The following ARID3A variants were observed in gnomAD, a reference collection of about 807,000 sequenced individuals.
ARID3A encodes the protein AT-rich interactive domain-containing protein 3A.
In ARID3A, 11 loss-of-function variants were observed where a neutral mutation model predicts 52.7. The ratio of observed to expected loss-of-function variants is 0.21; its 90% CI spans 0.13 to 0.35. The LOEUF is 0.35. ARID3A is among the 10% of genes least tolerant of loss of function. ARID3A has a pLI of 1.00. For synonymous variants in ARID3A, 404 were observed against 359.4 expected, an observed-to-expected ratio of 1.12 and a Z score of -1.40; for missense variants, 721 against 838.5, an observed-to-expected ratio of 0.86 and a Z score of 1.73.
Position 956,986 on chromosome 19 carries a change from C to T in ARID3A, c.694-3106C>T, listed in dbSNP as rs368933447. Among the ~76,000 whole-genome samples the T allele has an allele frequency of 1.0e-3, 158 of 152,332 alleles. No homozygotes were observed. In the East Asian group the frequency reaches 0.02, roughly 19 times the overall value. ...TCCCCACTGCCCAGCCAGCCACATTCCCCCGAGCTTAATTGGCAGCCTGGT... is the reference window on the plus strand; with the variant it reads ...TCCCCACTGCCCAGCCAGCCACATTTCCCCGAGCTTAATTGGCAGCCTGGT... On this transcript the variant is annotated intron_variant, in intron 3 of 8. Coordinates refer to ENST00000263620, the MANE Select transcript of ARID3A (RefSeq NM_005224.3).
At chr19:948,208 C>T (rs1227590553) in intron 3 of ARID3A, among the ~76,000 whole-genome samples, 1 of 151,404 alleles carries the variant, frequency 6.6e-6, no homozygotes, top group African/African-American at 2.4e-5. Context: ...AGTCCGGGCC[C>T]TTTTTGGACA....
chr19:936,053 G>C (rs893123913), intron 3 of ARID3A, among the ~76,000 whole-genome samples: 1 of 151,910 alleles, frequency 6.6e-6, no homozygotes, highest in Admixed American at 6.6e-5. Flanking sequence ...GCCTCCCAAA[G>C]CGCTGGGATT....
At position 973,759 on chromosome 19, in the gene ARID3A, A is replaced by C. The variant is rs1234197498; in HGVS notation, c.*1694A>C. The stretch of plus-strand genomic sequence containing the variant: ...GTGACTAAATCGAGGCCGAGAAGGG[A>C]GGCTGCCCCCCACCACCCTGTGGGT... On this transcript the variant is annotated 3_prime_UTR_variant, in exon 9 of 9. Coordinates refer to ENST00000263620, the MANE Select transcript of ARID3A (RefSeq NM_005224.3). 1 of 228,230 alleles carries C rather than the reference A, an allele frequency of 4.4e-6. No individual in the cohort carries two copies. The highest frequency in any genetic ancestry group is 2.2e-5 in the African/African-American group (1 of 44,950). 14.1% of individuals were successfully genotyped at this position (228,230 alleles called of 1,614,324 possible). A position where few individuals can be genotyped will look rare whatever the true frequency, so the allele number is the denominator to read the frequency against.
At chr19:963,264 C>T (rs2038080619) in intron 4 of ARID3A, among the ~76,000 whole-genome samples, 1 of 152,264 alleles carries the variant, frequency 6.6e-6, no homozygotes, top group South Asian at 2.1e-4. Flanking sequence ...CAGCTATGGC[C>T]TGGGCCACCT....
intron 3 of ARID3A, among the ~76,000 whole-genome samples, chr19:939,556 G>A (rs2037503625): frequency 6.6e-6 from 1 of 152,158 alleles, no homozygotes; most frequent in Non-Finnish European, 1.5e-5. Context: ...GCCTTTCTCT[G>A]CCCACTCACA....
At chr19:968,044 CAAA>C (rs34215155) in intron 7 of ARID3A, among the ~76,000 whole-genome samples, 6 of 123,526 alleles carry the variant, frequency 4.9e-5, no homozygotes, top group Admixed American at 8.5e-5. Flanking sequence ...GACTCCGTCT[CAAA>C]AAAAAAAAAA....
Position 947,112 on chromosome 19 carries a change from T to C in ARID3A, c.694-12980T>C, listed in dbSNP as rs1599402236. On this transcript the variant is annotated intron_variant, in intron 3 of 8. Transcript: ENST00000263620. This position sits in a 1 kb window ranked among gnomAD's most constrained non-coding sequence, Gnocchi z 6.3. ...GCCCAGCCCACACTGAGATTCTGCA[T>C]TGAAATGTTTGCTGGGTGCCCCCCA... Among the ~76,000 whole-genome samples, 1 of 152,198 alleles carries C rather than the reference T, an allele frequency of 6.6e-6. No homozygotes were observed. Among genetic ancestry groups the C allele is most frequent in the East Asian group, 1.9e-4 (1 of 5,176 alleles).
chr19:946,496 G>A (rs1184855190), intron 3 of ARID3A, among the ~76,000 whole-genome samples: 4 of 123,436 alleles, frequency 3.2e-5, no homozygotes, highest in Non-Finnish European at 5.0e-5. Context: ...GCTAGAGTGC[G>A]GTGTCGCGGT....
chr19:934,685 G>A (rs1001844234), intron 3 of ARID3A, among the ~76,000 whole-genome samples: 6 of 152,110 alleles, frequency 3.9e-5, no homozygotes, highest in Admixed American at 1.3e-4. Context: ...TGGGTCTTGC[G>A]GGAGACGGGA....
rs1291988478 is a variant in ARID3A at position 947,634 on chromosome 19, C to T, written c.694-12458C>T. The stretch of plus-strand genomic sequence containing the variant: ...TCACGGGAGAATGAGGAGGGTCTGG[C>T]GTCAGCAAGCTCCCCCGGAATCTCG... On this transcript the variant is annotated intron_variant, in intron 3 of 8. Coordinates refer to ENST00000263620, the MANE Select transcript of ARID3A (RefSeq NM_005224.3). The surrounding 1 kb of genome is among the most constrained non-coding windows in gnomAD (Gnocchi z 6.3). Among the ~76,000 whole-genome samples, 2 of 152,150 alleles carry T rather than the reference C, an allele frequency of 1.3e-5. No individual in the cohort carries two copies. The highest frequency in any genetic ancestry group is 1.9e-4 in the East Asian group (1 of 5,192).
rs778019785 is a variant in ARID3A at position 972,017 on chromosome 19, G to A, written c.1734G>A (p.Ala578=). ...TGTSGGQAGP[A]GLSTPSTSTS... ...CCAGCGGCGGCCAGGCTGGGCCAGCGGGGCTGTCCACACCCTCCACATCTA... is the reference window on the plus strand; with the variant it reads ...CCAGCGGCGGCCAGGCTGGGCCAGCAGGGCTGTCCACACCCTCCACATCTA... The change falls in exon 9 of 9, where the codon GCG becomes GCA. Residue 578 remains alanine (A), a synonymous_variant. Coordinates refer to ENST00000263620, the MANE Select transcript of ARID3A (RefSeq NM_005224.3). The A allele has an allele frequency of 1.2e-5, 19 of 1,597,008 alleles. No homozygotes were observed. The highest frequency in any genetic ancestry group is 2.7e-5 in the African/African-American group (2 of 73,500).
chr19:930,313 A>G (rs1455427561), intron 2 of ARID3A, among the ~76,000 whole-genome samples: 1 of 151,792 alleles, frequency 6.6e-6, no homozygotes, highest in African/African-American at 2.4e-5. Flanking sequence ...GCACTTTGGG[A>G]GGTCGAGGTG....
rs1447879351 is a variant in ARID3A, at chr19:944,224, AGTCCTGAC to A, written c.693+11486_693+11493del. Among the ~76,000 whole-genome samples, 2 of 151,856 alleles carry A rather than the reference AGTCCTGAC, an allele frequency of 1.3e-5. No homozygotes were observed. The highest frequency in any genetic ancestry group is 2.9e-5 in the Non-Finnish European group (2 of 68,020). ...CAGAAGCTCCTGCCGCCGGCACTGG[AGTCCTGAC>A]GTCGGCAGCGCGGTGGAGGGCGGGC... On this transcript the variant is annotated intron_variant, in intron 3 of 8. Transcript: ENST00000263620. The surrounding 1 kb of genome is among the most constrained non-coding windows in gnomAD (Gnocchi z 5.9).
chr19:955,922 G>A (rs148212124), intron 3 of ARID3A, among the ~76,000 whole-genome samples: 3,543 of 152,204 alleles, frequency 0.023, 112 homozygotes, highest in Admixed American at 0.091. Flanking sequence ...AAATCGAGGC[G>A]TCCGCAGGGC....
At chr19:969,273 A>G (rs1162724736) in intron 8 of ARID3A, among the ~76,000 whole-genome samples, 1 of 152,030 alleles carries the variant, frequency 6.6e-6, no homozygotes, top group African/African-American at 2.4e-5. Flanking sequence ...GCAGTGGCTC[A>G]TGGCTATAGT....
intron 3 of ARID3A, among the ~76,000 whole-genome samples, chr19:956,207 T>G (rs2037913831): frequency 6.6e-6 from 1 of 152,160 alleles, no homozygotes; most frequent in South Asian, 2.1e-4. Flanking sequence ...CCCATTCCAG[T>G]ACCTGCTGCC....
intron 8 of ARID3A, 188 bp downstream of exon 8, chr19:968,691 C>A (rs117438574): frequency 1.7e-6 from 1 of 574,138 alleles, no homozygotes; most frequent in African/African-American, 1.9e-5. Flanking sequence ...CCCGGTACCA[C>A]GCTCAGCCCA....
chr19:927,708 C>T (rs1277554312), intron 1 of ARID3A, among the ~76,000 whole-genome samples: 2 of 151,850 alleles, frequency 1.3e-5, no homozygotes, highest in East Asian at 1.9e-4. Context: ...TGGGGGGTGA[C>T]CTCCAGCCTG....
At chr19:928,871 C>T (rs975957246) in intron 1 of ARID3A, 3 of 152,178 alleles carry the variant, frequency 2.0e-5, no homozygotes, top group African/African-American at 7.2e-5. Flanking sequence ...TACCTAGATA[C>T]CTGGAGGCCA....
Sources: gnomAD v4.1 joint callset for allele counts (sites outside exome capture counted in the v4.1 genomes callset) on GRCh38, gnomAD v4.1.1 for gene constraint, Gnocchi (gnomAD v3.1) non-coding constraint, MANE v1.5 for transcripts, NCBI Gene and HGNC (gene_info 2026-07-23, HGNC 2026-07-21) for gene names.